Variants in TBC1D16 observed in about 807,000 individuals in gnomAD.
TBC1D16 encodes TBC1 domain family member 16, also known as CTD-2529O21.1.
Under a neutral mutation model 74.7 loss-of-function variants are expected in TBC1D16, and 58 were observed. The observed-to-expected ratio is 0.78, with a 90% CI of 0.63 to 0.97. The LOEUF is 0.97. Among genes scored for constraint, TBC1D16 ranks in the 50% least tolerant of loss-of-function variants. The pLI, the probability that TBC1D16 is intolerant of heterozygous loss-of-function variation, is 0.00. For synonymous variants in TBC1D16, 493 were observed against 474.7 expected, an observed-to-expected ratio of 1.04 and a Z score of -0.50; for missense variants, 1,014 against 1,079.5, an observed-to-expected ratio of 0.94 and a Z score of 0.85.
rs1225299568 is a variant in TBC1D16 at position 80,008,466 on chromosome 17, C to T, written c.779+1694G>A. Among the ~76,000 whole-genome samples the T allele has an allele frequency of 6.6e-6, 1 of 152,178 alleles. No individual in the cohort carries two copies. Among genetic ancestry groups the T allele is most frequent in the African/African-American group, 2.4e-5 (1 of 41,436 alleles). On this transcript the variant is annotated intron_variant, in intron 3 of 11. Transcript: ENST00000310924. The surrounding 1 kb of genome is among the most constrained non-coding windows in gnomAD (Gnocchi z 4.5). Reference sequence around the variant, plus strand: ...AATCCTCAGCCCCAAGACCGTGGGCCAACCCCACCACCTCTCTGAGACACA... The same window carrying T: ...AATCCTCAGCCCCAAGACCGTGGGCTAACCCCACCACCTCTCTGAGACACA...
At chr17:79,942,280 G>T in intron 10 of TBC1D16, 74 bp from the exon 11 acceptor site, 2 of 1,479,790 alleles carry the variant, frequency 1.4e-6, no homozygotes, top group South Asian at 2.5e-5. Context: ...GAAACTGAGT[G>T]CCAGGGTGCG....
intron 3 of TBC1D16, among the ~76,000 whole-genome samples, chr17:80,002,925 G>A (rs971197149): frequency 2.0e-5 from 3 of 152,186 alleles, no homozygotes; most frequent in African/African-American, 7.2e-5. Context: ...GGAACACCAC[G>A]CGGCCTTGAT....
chr17:79,948,475 G>T (rs779853751), intron 8 of TBC1D16, among the ~76,000 whole-genome samples: 37 of 152,168 alleles, frequency 2.4e-4, no homozygotes, highest in Admixed American at 1.8e-3. Flanking sequence ...CTAATTTTGT[G>T]CAATTATTTG....
chr17:80,007,053 G>T lies in TBC1D16; in HGVS notation c.779+3107C>A, dbSNP rs560782880. Among the ~76,000 whole-genome samples the T allele has an allele frequency of 6.6e-6, 1 of 152,230 alleles. No individual in the cohort carries two copies. Among genetic ancestry groups the T allele is most frequent in the Admixed American group, 6.5e-5 (1 of 15,294 alleles). ...ACTCCAGCCTTGCACTGAAGCACAC[G>T]CTTCTGGCGGGGTGGGGAGAGTCCC... On this transcript the variant is annotated intron_variant, in intron 3 of 11. Transcript: ENST00000310924. The surrounding 1 kb of genome is among the most constrained non-coding windows in gnomAD (Gnocchi z 4.5).
intron 1 of TBC1D16, among the ~76,000 whole-genome samples, chr17:80,014,308 G>C (rs1401922378): frequency 1.3e-5 from 2 of 152,152 alleles, no homozygotes; most frequent in African/African-American, 4.8e-5. Context: ...AGTGAGCTGA[G>C]ATCACATCAC....
At chr17:80,016,419 G>A (rs1256621056) in intron 1 of TBC1D16, among the ~76,000 whole-genome samples, 1 of 152,180 alleles carries the variant, frequency 6.6e-6, no homozygotes, top group Non-Finnish European at 1.5e-5. Flanking sequence ...TAAGTTTTAT[G>A]TTATATGTAT....
At position 79,937,750 on chromosome 17, in the gene TBC1D16, G is replaced by A. The variant is rs774624375; in HGVS notation, c.*3109C>T. The A allele has an allele frequency of 6.6e-6, 1 of 152,226 alleles. No homozygotes were observed. The highest frequency in any genetic ancestry group is 2.4e-5 in the African/African-American group (1 of 41,414). 9.4% of individuals were successfully genotyped at this position (152,226 alleles called of 1,614,324 possible). A position where few individuals can be genotyped will look rare whatever the true frequency, so the allele number is the denominator to read the frequency against. ...TCCCCAGATCTCTGAGTGCTCACCC[G>A]ACCCCCCAACCCTGGCGGGACCTTC... On this transcript the variant is annotated 3_prime_UTR_variant, in exon 12 of 12. Coordinates refer to ENST00000310924, the MANE Select transcript of TBC1D16 (RefSeq NM_019020.4).
intron 3 of TBC1D16, among the ~76,000 whole-genome samples, chr17:79,962,293 C>A (rs988207136): frequency 7.4e-6 from 1 of 135,424 alleles, no homozygotes; most frequent in Non-Finnish European, 1.5e-5. Context: ...TGGCTCACTG[C>A]AACCTCCACC....
intron 3 of TBC1D16, among the ~76,000 whole-genome samples, chr17:79,978,301 T>TAACTCTGCCGATC (rs2034425010): frequency 6.6e-6 from 1 of 152,228 alleles, no homozygotes; most frequent in South Asian, 2.1e-4. Flanking sequence ...CTCCGGCGAT[T>TAACTCTGCCGATC]AACTCTGCCG....
rs568978932 is a variant in TBC1D16 at position 79,983,416 on chromosome 17, T to C, written c.779+26744A>G. On this transcript the variant is annotated intron_variant, in intron 3 of 11. Transcript: ENST00000310924. This position sits in a 1 kb window ranked among gnomAD's most constrained non-coding sequence, Gnocchi z 5.6. ...GTGCACAGAAGCTGTCAAGGTGACATCATTCACAGAGAAAAACCCAAACTA... is the reference window on the plus strand; with the variant it reads ...GTGCACAGAAGCTGTCAAGGTGACACCATTCACAGAGAAAAACCCAAACTA... 3.3e-5 allele frequency among the ~76,000 whole-genome samples: 5 copies of C among 152,238 alleles called. No homozygotes were observed. The highest frequency in any genetic ancestry group is 7.4e-5 in the Non-Finnish European group (5 of 68,006).
chr17:79,945,061 C>T lies in TBC1D16; in HGVS notation c.1755G>A (p.Leu585=). The T allele has an allele frequency of 7.6e-6, 12 of 1,584,988 alleles. No homozygotes were observed. The highest frequency in any genetic ancestry group is 1.2e-5 in the South Asian group (1 of 86,448). The change falls in exon 10 of 12, where the codon CTG becomes CTA. Residue 585 remains leucine, a synonymous_variant. Transcript: ENST00000310924. ...QLLYLRELLR[L]THVRFYQHLV... ...GGTGCTGGTAGAAGCGCACGTGCGT[C>T]AGCCGCAGCAGCTCGCGCAGGTACA...
At chr17:80,033,216 T>C (rs913163147) in intron 1 of TBC1D16, among the ~76,000 whole-genome samples, 3 of 152,220 alleles carry the variant, frequency 2.0e-5, no homozygotes, top group Admixed American at 2.0e-4. Context: ...TCCTAAATGG[T>C]AACTCAGGAT....
intron 3 of TBC1D16, among the ~76,000 whole-genome samples, chr17:79,969,137 A>C (rs951966736): frequency 6.6e-6 from 1 of 152,226 alleles, no homozygotes; most frequent in Non-Finnish European, 1.5e-5. Flanking sequence ...CTGTAATCCC[A>C]GTACTTTGGG....
chr17:79,991,196 C>T lies in TBC1D16; in HGVS notation c.779+18964G>A, dbSNP rs543801718. On this transcript the variant is annotated intron_variant, in intron 3 of 11. Coordinates refer to ENST00000310924, the MANE Select transcript of TBC1D16 (RefSeq NM_019020.4). ...ACCCTGGAGACCCAGCTGGGCTGTC[C>T]CGGGGGCGGTCCCTGCGTCCACGCC... 3.9e-5 allele frequency among the ~76,000 whole-genome samples: 6 copies of T among 152,348 alleles called. No homozygotes were observed. The South Asian group carries it at 8.3e-4, about 21-fold the overall frequency.
Position 79,949,704 on chromosome 17 carries a change from C to T in TBC1D16, c.1406+13G>A, listed in dbSNP as rs771288869. Reference sequence around the variant, plus strand: ...GGCTCGGCGGGGTGGGCCGGGCTGGCCCCGGCGGTTACCTTTTCTGCTGGA... The same window carrying T: ...GGCTCGGCGGGGTGGGCCGGGCTGGTCCCGGCGGTTACCTTTTCTGCTGGA... On this transcript the variant is annotated intron_variant, in intron 7 of 11. Coordinates refer to ENST00000310924, the MANE Select transcript of TBC1D16 (RefSeq NM_019020.4). 30 of 1,600,322 alleles carry T rather than the reference C, an allele frequency of 1.9e-5. No homozygotes were observed. Among genetic ancestry groups the T allele is most frequent in the Admixed American group, 8.4e-5 (5 of 59,336 alleles).
At chr17:80,020,243 T>C (rs1048055723) in intron 1 of TBC1D16, among the ~76,000 whole-genome samples, 1 of 149,674 alleles carries the variant, frequency 6.7e-6, no homozygotes, top group Non-Finnish European at 1.5e-5. Context: ...CCTGGTACTT[T>C]GTTAGGGCAG....
chr17:79,991,903 G>C (rs375976527), intron 3 of TBC1D16: 1 of 151,760 alleles, frequency 6.6e-6, no homozygotes, highest in African/African-American at 2.4e-5. Flanking sequence ...TGGCGGGGGT[G>C]GGGGGATGGT....
intron 1 of TBC1D16, among the ~76,000 whole-genome samples, chr17:80,025,017 C>T (rs2036504961): frequency 7.0e-5 from 1 of 14,218 alleles, no homozygotes; most frequent in African/African-American, 3.0e-4. Flanking sequence ...GACACACACA[C>T]ACACCACAGA....
rs2034654289 is a variant in TBC1D16, at chr17:79,983,127, G to A, written c.779+27033C>T. Among the ~76,000 whole-genome samples the A allele has an allele frequency of 6.6e-6, 1 of 152,222 alleles. No individual in the cohort carries two copies. Among genetic ancestry groups the A allele is most frequent in the Non-Finnish European group, 1.5e-5 (1 of 68,046 alleles). ...GGAACAGCTCCATGTCCATGGAAGG[G>A]GCATGGGCAAGTGAAATGCTACGTC... On this transcript the variant is annotated intron_variant, in intron 3 of 11. Coordinates refer to ENST00000310924, the MANE Select transcript of TBC1D16 (RefSeq NM_019020.4). The surrounding 1 kb of genome is among the most constrained non-coding windows in gnomAD (Gnocchi z 5.6).
Sources: allele counts gnomAD v4.1 joint callset (sites outside exome capture counted in the v4.1 genomes callset), GRCh38; gene constraint gnomAD v4.1.1; non-coding constraint Gnocchi (gnomAD v3.1); transcripts MANE v1.5; gene names NCBI Gene and HGNC (gene_info 2026-07-23, HGNC 2026-07-21).